Variants in NLGN1 observed in about 807,000 individuals in gnomAD.
NLGN1 encodes neuroligin-1.
A neutral mutation model predicts 65.5 loss-of-function variants in NLGN1; 12 were observed. The ratio of observed to expected loss-of-function variants is 0.18; its 90% confidence interval spans 0.12 to 0.30. The LOEUF (loss-of-function observed/expected upper bound fraction) is 0.30, where lower values mean the gene tolerates loss of function less well. Ranked by LOEUF, NLGN1 falls within the 10% of genes least tolerant of loss-of-function variation. The pLI, the probability that NLGN1 is intolerant of heterozygous loss-of-function variation, is 1.00. For missense variants in NLGN1, 750 were observed against 1,007.1 expected, an observed-to-expected ratio of 0.74 and a Z score of 3.46; for synonymous variants, 350 against 359.5, an observed-to-expected ratio of 0.97 and a Z score of 0.30.
chr3:173,467,140 G>T (rs1724501956), intron 2 of NLGN1, among the ~76,000 whole-genome samples: 1 of 151,830 alleles, frequency 6.6e-6, no homozygotes, highest in South Asian at 2.1e-4. Flanking sequence ...ATATTTTTAA[G>T]TAATTGAAAT....
intron 2 of NLGN1, among the ~76,000 whole-genome samples, chr3:173,453,535 A>T (rs897081990): frequency 2.0e-5 from 3 of 152,172 alleles, no homozygotes; most frequent in Admixed American, 6.5e-5. Flanking sequence ...CTCTTAAACT[A>T]TGCCACTGCT....
intron 4 of NLGN1, among the ~76,000 whole-genome samples, chr3:173,898,908 C>T (rs952085216): frequency 1.3e-5 from 2 of 152,062 alleles, no homozygotes; most frequent in Non-Finnish European, 1.5e-5. Context: ...GCGGACCATT[C>T]AGATACAGCT....
chr3:173,528,956 G>T (rs1736096807), intron 2 of NLGN1, among the ~76,000 whole-genome samples: 1 of 151,892 alleles, frequency 6.6e-6, no homozygotes, highest in African/African-American at 2.4e-5. Context: ...TTTTGGTTAG[G>T]GTCCATTGCT....
At chr3:174,246,122 TGTA>T (rs1743735689) in intron 4 of NLGN1, among the ~76,000 whole-genome samples, 1 of 152,188 alleles carries the variant, frequency 6.6e-6, no homozygotes. Context: ...GAATGAGAAT[TGTA>T]GTACTGTTTC....
intron 3 of NLGN1, among the ~76,000 whole-genome samples, chr3:173,724,121 G>A (rs1191513975): frequency 6.6e-6 from 1 of 152,214 alleles, no homozygotes; most frequent in South Asian, 2.1e-4. Context: ...AAGTGGAAAT[G>A]TGGAGTAGGT....
chr3:173,990,290 G>A (rs1256968438), intron 4 of NLGN1, among the ~76,000 whole-genome samples: 1 of 152,126 alleles, frequency 6.6e-6, no homozygotes, highest in Non-Finnish European at 1.5e-5. Context: ...ACTGCTTACA[G>A]TACCTTTCTC....
chr3:174,290,127 CTGTT>C (rs1204987034), downstream of NLGN1, among the ~76,000 whole-genome samples: 4 of 150,540 alleles, frequency 2.7e-5, no homozygotes, highest in South Asian at 2.1e-4. Context: ...AATTTCAACA[CTGTT>C]TGTTTGTTTA....
intron 4 of NLGN1, among the ~76,000 whole-genome samples, chr3:174,108,491 G>C (rs745310657): frequency 6.6e-6 from 1 of 151,888 alleles, no homozygotes; most frequent in Non-Finnish European, 1.5e-5. Flanking sequence ...GTTAGAAAAA[G>C]CTAAGCTGGA....
intron 2 of NLGN1, among the ~76,000 whole-genome samples, chr3:173,529,687 A>C (rs1399800511): frequency 6.6e-6 from 1 of 152,182 alleles, no homozygotes; most frequent in Non-Finnish European, 1.5e-5. Context: ...CTCAGCTCTC[A>C]GTAGGAACGG....
chr3:174,270,382 T>A (rs1259733574), intron 4 of NLGN1, among the ~76,000 whole-genome samples: 1 of 151,834 alleles, frequency 6.6e-6, no homozygotes, highest in African/African-American at 2.4e-5. Context: ...TTTCCCAGCA[T>A]CATTTGTTGA....
intron 2 of NLGN1, among the ~76,000 whole-genome samples, chr3:173,597,203 G>A (rs945569059): frequency 3.9e-5 from 6 of 152,180 alleles, no homozygotes; most frequent in East Asian, 1.9e-4. Flanking sequence ...GTGTCACAAA[G>A]GTGCAGGATA....
At chr3:174,106,331 T>A (rs987948053) in intron 4 of NLGN1, among the ~76,000 whole-genome samples, 36 of 152,216 alleles carry the variant, frequency 2.4e-4, no homozygotes, top group African/African-American at 7.5e-4. Context: ...TTTTCTATTA[T>A]GAACTAAATC....
At chr3:173,736,150 T>C (rs1215246728) in intron 3 of NLGN1, among the ~76,000 whole-genome samples, 1 of 152,046 alleles carries the variant, frequency 6.6e-6, no homozygotes, top group African/African-American at 2.4e-5. Context: ...TAAAAATGAA[T>C]TCAGCTTGAT....
chr3:173,443,091 C>A (rs2148804576), intron 2 of NLGN1, among the ~76,000 whole-genome samples: 1 of 151,696 alleles, frequency 6.6e-6, no homozygotes, highest in African/African-American at 2.4e-5. Flanking sequence ...AATTAAATGC[C>A]AGTCAGGTGT....
intron 4 of NLGN1, among the ~76,000 whole-genome samples, chr3:174,032,993 T>A (rs1730338515): frequency 6.6e-6 from 1 of 151,882 alleles, no homozygotes; most frequent in African/African-American, 2.4e-5. Flanking sequence ...TATATAGATA[T>A]AGATCTATCT....
At chr3:173,764,822 ATAT>A (rs1461627403) in intron 3 of NLGN1, among the ~76,000 whole-genome samples, 1 of 152,148 alleles carries the variant, frequency 6.6e-6, no homozygotes, top group African/African-American at 2.4e-5. Flanking sequence ...ATAAAAAATC[ATAT>A]TAGTATCATT....
chr3:173,740,952 A>G lies in NLGN1; in HGVS notation c.494-66728A>G, dbSNP rs185740894. ...ATCTTCTGTGACAATTTCAAAGCCT[A>G]CAGAAAAAACAGCTTTGACTTTATA... is the stretch of plus-strand genomic sequence containing the variant. On this transcript the variant is annotated intron_variant, in intron 3 of 6. Transcript: ENST00000457714. Among the ~76,000 whole-genome samples, 855 of 152,294 alleles carry G rather than the reference A, an allele frequency of 5.6e-3. 5 individuals carry two copies. The highest frequency in any genetic ancestry group is 8.6e-3 in the Non-Finnish European group (587 of 68,010).
intron 3 of NLGN1, among the ~76,000 whole-genome samples, chr3:173,706,418 G>A (rs1768050380): frequency 6.6e-6 from 1 of 152,092 alleles, no homozygotes; most frequent in Non-Finnish European, 1.5e-5. Context: ...TTACTCATAT[G>A]TCTTTGCGTA....
chr3:173,705,754 T>C (rs1176616090), intron 3 of NLGN1, among the ~76,000 whole-genome samples: 2 of 152,180 alleles, frequency 1.3e-5, no homozygotes, highest in African/African-American at 4.8e-5. Flanking sequence ...TCCTTTTTTT[T>C]TTCTTCCTAA....
Sources: allele counts gnomAD v4.1 joint callset (sites outside exome capture counted in the v4.1 genomes callset), GRCh38; gene constraint gnomAD v4.1.1; transcripts MANE v1.5; gene names NCBI Gene and HGNC (gene_info 2026-07-23, HGNC 2026-07-21).